Variants in GPR37 observed in about 807,000 individuals in gnomAD.
The protein encoded by GPR37 is G protein-coupled receptor 37.
In GPR37, 20 loss-of-function variants were observed where a neutral mutation model predicts 43.6. The ratio of observed to expected loss-of-function variants is 0.46; its 90% CI spans 0.32 to 0.67. GPR37 has a LOEUF of 0.67. Among genes scored for constraint, GPR37 ranks in the 30% least tolerant of loss-of-function variants. GPR37 has a pLI of 0.03. For missense variants in GPR37, 724 were observed against 797.2 expected (o/e 0.91, Z 1.11); for synonymous variants, 315 against 322.6 (o/e 0.98, Z 0.25).
At chr7:124,752,259 C>A (rs79279977) in intron 1 of GPR37, among the ~76,000 whole-genome samples, 7 of 152,188 alleles carry the variant, frequency 4.6e-5, no homozygotes, top group Non-Finnish European at 8.8e-5. Context: ...GCAAAGAGAC[C>A]ACTGCATTAG....
At chr7:124,762,266 T>C (rs1428493936) in intron 1 of GPR37, among the ~76,000 whole-genome samples, 3 of 152,142 alleles carry the variant, frequency 2.0e-5, no homozygotes, top group African/African-American at 7.2e-5. Context: ...GATATTCTTT[T>C]CTTTTAAGGT....
chr7:124,759,674 G>T (rs1562959858), intron 1 of GPR37, among the ~76,000 whole-genome samples: 1 of 151,850 alleles, frequency 6.6e-6, no homozygotes, highest in African/African-American at 2.4e-5. Flanking sequence ...TTATTATTAG[G>T]CCATAAAGAT....
At chr7:124,762,566 T>C (rs1025849382) in intron 1 of GPR37, among the ~76,000 whole-genome samples, 4 of 151,274 alleles carry the variant, frequency 2.6e-5, no homozygotes, top group Admixed American at 6.6e-5. Context: ...CTAACATGAG[T>C]TCAACTGGCT....
At chr7:124,757,645 C>T (rs1793805955) in intron 1 of GPR37, among the ~76,000 whole-genome samples, 1 of 152,196 alleles carries the variant, frequency 6.6e-6, no homozygotes, top group Admixed American at 6.5e-5. Flanking sequence ...ACAAGCACAA[C>T]TGTGACTTGA....
intron 1 of GPR37, among the ~76,000 whole-genome samples, chr7:124,749,521 A>T (rs560619587): frequency 3.3e-5 from 5 of 152,306 alleles, no homozygotes; most frequent in African/African-American, 1.2e-4. Context: ...TCAAAACATT[A>T]GTTGTTTATC....
At chr7:124,747,471 A>C (rs140379620) in intron 1 of GPR37, 128 bp from the exon 2 acceptor site, 4 of 632,276 alleles carry the variant, frequency 6.3e-6, no homozygotes, top group African/African-American at 5.5e-5. Context: ...AGAGAGAGAG[A>C]ACAGTTTTCC....
chr7:124,761,978 T>G (rs2116327095), intron 1 of GPR37, among the ~76,000 whole-genome samples: 1 of 152,096 alleles, frequency 6.6e-6, no homozygotes, highest in East Asian at 1.9e-4. Context: ...CTAGCACTAA[T>G]AACTGAAAAA....
intron 1 of GPR37, among the ~76,000 whole-genome samples, chr7:124,751,685 C>T (rs982390585): frequency 4.6e-5 from 7 of 152,224 alleles, no homozygotes; most frequent in South Asian, 2.1e-4. Context: ...GCATCATGAA[C>T]GCCAGATCTT....
At chr7:124,752,010 G>T (rs892560276) in intron 1 of GPR37, among the ~76,000 whole-genome samples, 2 of 152,046 alleles carry the variant, frequency 1.3e-5, no homozygotes, top group African/African-American at 4.8e-5. Flanking sequence ...GAGAGGATTG[G>T]CATTAGAATA....
intron 1 of GPR37, among the ~76,000 whole-genome samples, chr7:124,748,422 A>G (rs568499614): frequency 5.3e-5 from 8 of 152,122 alleles, no homozygotes; most frequent in Non-Finnish European, 1.0e-4. Flanking sequence ...TCCTCTCTGG[A>G]AGAATGCACT....
At chr7:124,760,075 A>C (rs1584726664) in intron 1 of GPR37, among the ~76,000 whole-genome samples, 1 of 152,330 alleles carries the variant, frequency 6.6e-6, no homozygotes, top group East Asian at 1.9e-4. Flanking sequence ...AATAAAATTT[A>C]AAATTAACTA....
At chr7:124,758,920 G>T (rs576240024) in intron 1 of GPR37, among the ~76,000 whole-genome samples, 8 of 152,028 alleles carry the variant, frequency 5.3e-5, no homozygotes, top group Admixed American at 6.5e-5. Flanking sequence ...AGAGAATCTC[G>T]ATCATTCAAA....
Position 124,764,692 on chromosome 7 carries a change from G to A in GPR37, c.285C>T (p.Asp95=). 6.3e-7 allele frequency: 1 copy of A among 1,595,344 alleles called. No homozygotes were observed. The change falls in exon 1 of 2, where the codon GAC becomes GAT. Residue 95 remains aspartate (D), a synonymous_variant. Coordinates refer to ENST00000303921, the MANE Select transcript of GPR37 (RefSeq NM_005302.5). The surrounding 1 kb of genome is among the most constrained non-coding windows in gnomAD (Gnocchi z 5.4). ...CCTCCGCCCCTCTGCCTGCAGCCGG[G>A]TCACGGCCCGGGGCCGCCGGCAGGT... ...SWDLPAAPGR[D]PAAGRGAEAS... is the part of the protein sequence containing the mutation.
chr7:124,755,423 A>C (rs1429893945), intron 1 of GPR37, among the ~76,000 whole-genome samples: 3 of 152,134 alleles, frequency 2.0e-5, no homozygotes, highest in Non-Finnish European at 4.4e-5. Flanking sequence ...TTATTTTAAA[A>C]GCCGTTTAAG....
intron 1 of GPR37, among the ~76,000 whole-genome samples, chr7:124,748,416 C>T (rs936204445): frequency 1.7e-4 from 26 of 152,054 alleles, no homozygotes; most frequent in African/African-American, 5.8e-4. Context: ...CATAAATCCT[C>T]TCTGGAAGAA....
intron 1 of GPR37, among the ~76,000 whole-genome samples, chr7:124,750,332 T>TC (rs1793717434): frequency 6.6e-6 from 1 of 152,102 alleles, no homozygotes; most frequent in African/African-American, 2.4e-5. Flanking sequence ...TGTGCATGCT[T>TC]CCCCGTCACT....
intron 1 of GPR37, among the ~76,000 whole-genome samples, chr7:124,750,346 T>C (rs923869060): frequency 1.3e-5 from 2 of 152,152 alleles, no homozygotes; most frequent in Non-Finnish European, 2.9e-5. Flanking sequence ...CGTCACTTTA[T>C]AGCCCGAATG....
chr7:124,758,015 T>G (rs1425113063), intron 1 of GPR37, among the ~76,000 whole-genome samples: 1 of 152,200 alleles, frequency 6.6e-6, no homozygotes, highest in African/African-American at 2.4e-5. Context: ...AAAAGCTGAA[T>G]GCCAGACAAT....
At chr7:124,749,954 C>T (rs1193325245) in intron 1 of GPR37, among the ~76,000 whole-genome samples, 1 of 152,028 alleles carries the variant, frequency 6.6e-6, no homozygotes, top group East Asian at 1.9e-4. Flanking sequence ...AATAATTAAC[C>T]TTCAAATTAA....
Sources: gnomAD v4.1 joint callset for allele counts (sites outside exome capture counted in the v4.1 genomes callset) on GRCh38, gnomAD v4.1.1 for gene constraint, Gnocchi (gnomAD v3.1) non-coding constraint, MANE v1.5 for transcripts, NCBI Gene and HGNC (gene_info 2026-07-23, HGNC 2026-07-21) for gene names.